Variants in DLG2 observed in about 807,000 individuals in gnomAD.
DLG2 encodes the protein discs large MAGUK scaffold protein 2, also known as disks large homolog 2.
Under a neutral mutation model 132.5 loss-of-function variants are expected in DLG2, and 45 were observed. The observed-to-expected ratio is 0.34, with a 90% CI of 0.27 to 0.44. DLG2 has a LOEUF of 0.44. Ranked by LOEUF, DLG2 falls within the 20% of genes least tolerant of loss-of-function variation. DLG2 has a pLI of 1.00. For missense variants in DLG2, 1,045 were observed against 1,196.9 expected (o/e 0.87, Z 1.87); for synonymous variants, 424 against 419.6 (o/e 1.01, Z -0.13).
chr11:84,796,737 G>A (rs1285269838), intron 6 of DLG2, among the ~76,000 whole-genome samples: 1 of 151,760 alleles, frequency 6.6e-6, no homozygotes, highest in African/African-American at 2.4e-5. Context: ...CGGCCTATAA[G>A]GTTCCCATTG....
At chr11:84,711,030 A>C (rs2060347673) in intron 6 of DLG2, among the ~76,000 whole-genome samples, 1 of 71,674 alleles carries the variant, frequency 1.4e-5, no homozygotes, top group African/African-American at 6.7e-5. Flanking sequence ...ATATATATAT[A>C]TAGAGCTGAA....
intron 7 of DLG2, among the ~76,000 whole-genome samples, chr11:84,324,528 G>T (rs1044362159): frequency 1.1e-4 from 16 of 151,640 alleles, no homozygotes; most frequent in African/African-American, 3.6e-4. Flanking sequence ...TGGCTATTTG[G>T]GGTCCTTTGT....
chr11:83,469,296 T>C lies in DLG2; in HGVS notation c.2524A>G (p.Lys842Glu). The C allele has an allele frequency of 3.1e-6, 5 of 1,613,896 alleles. No homozygotes were observed. Among genetic ancestry groups the C allele is most frequent in the Non-Finnish European group, 4.2e-6 (5 of 1,179,864 alleles). The change falls in exon 25 of 28, where the codon AAA becomes GAA. Residue 842 changes from lysine (K) to glutamate (E), a missense_variant. Physicochemically the swap from Lys to Glu is moderately conservative, Grantham distance 56 (BLOSUM62 1). Transcript: ENST00000376104. ...ATAAACTTGTGCTCTTGGATATCTT[T>C]CTCCATTTGTTCTCTGGAAATGACA... The part of the protein sequence containing the change: ...HFVISREQME[K>E]DIQEHKFIEA...
At chr11:83,899,281 A>G (rs924361359) in intron 15 of DLG2, among the ~76,000 whole-genome samples, 2 of 150,880 alleles carry the variant, frequency 1.3e-5, no homozygotes, top group African/African-American at 5.0e-5. Flanking sequence ...TCAGTACTGC[A>G]CTTGGATCTC....
intron 6 of DLG2, among the ~76,000 whole-genome samples, chr11:84,608,923 C>G (rs1328548411): frequency 2.0e-5 from 3 of 152,130 alleles, no homozygotes; most frequent in Admixed American, 6.6e-5. Flanking sequence ...TAAGTAAATT[C>G]AAATAGAAAG....
chr11:84,269,714 C>G (rs935087217), intron 7 of DLG2, among the ~76,000 whole-genome samples: 1 of 152,118 alleles, frequency 6.6e-6, no homozygotes, highest in Non-Finnish European at 1.5e-5. Flanking sequence ...AATAGTATTG[C>G]GACTTCTTTT....
At chr11:85,413,470 T>C (rs1025605462) in intron 3 of DLG2, among the ~76,000 whole-genome samples, 9 of 152,074 alleles carry the variant, frequency 5.9e-5, no homozygotes, top group Non-Finnish European at 1.2e-4. Flanking sequence ...GGTCATGAAA[T>C]CCTTGCCTAA....
chr11:85,068,504 A>G (rs988276584), intron 6 of DLG2, among the ~76,000 whole-genome samples: 10 of 152,120 alleles, frequency 6.6e-5, no homozygotes, highest in African/African-American at 2.4e-4. Context: ...TTATACACCA[A>G]TAGCAGACAA....
chr11:84,793,354 G>C (rs2074137366), intron 6 of DLG2, among the ~76,000 whole-genome samples: 1 of 152,152 alleles, frequency 6.6e-6, no homozygotes, highest in African/African-American at 2.4e-5. Flanking sequence ...TCTGTGCGCT[G>C]AGGAAAATAA....
In DLG2 at chr11:84,846,276, A is replaced by T. The variant is rs141804868; in HGVS notation, c.357+265385T>A. Among the ~76,000 whole-genome samples the T allele has an allele frequency of 5.6e-4, 85 of 152,180 alleles. 1 individual carries two copies. The highest frequency in any genetic ancestry group is 1.3e-3 in the Admixed American group (20 of 15,266). ...GTGTCTAACATATCTCTTAAACTTA[A>T]CAAGTCCAAAACAGAACTATAGGTT... On this transcript the variant is annotated intron_variant, in intron 6 of 27. Coordinates refer to ENST00000376104, the MANE Select transcript of DLG2 (RefSeq NM_001142699.3).
At chr11:83,901,627 C>A (rs929746077) in intron 15 of DLG2, among the ~76,000 whole-genome samples, 1 of 152,208 alleles carries the variant, frequency 6.6e-6, no homozygotes, top group Admixed American at 6.5e-5. Context: ...AACTGTAAGT[C>A]CAATAAACCT....
chr11:83,691,061 G>A (rs141978859), intron 18 of DLG2, among the ~76,000 whole-genome samples: 63 of 152,256 alleles, frequency 4.1e-4, no homozygotes, highest in African/African-American at 1.4e-3. Flanking sequence ...GGAGTCTACT[G>A]GACATGTGCA....
At chr11:83,585,277 G>T (rs1367217549) in intron 19 of DLG2, among the ~76,000 whole-genome samples, 1 of 152,154 alleles carries the variant, frequency 6.6e-6, no homozygotes, top group African/African-American at 2.4e-5. Context: ...TCCCCAACAG[G>T]ATGGAGACAT....
intron 6 of DLG2, among the ~76,000 whole-genome samples, chr11:84,561,997 A>C (rs1003640259): frequency 1.3e-5 from 2 of 152,178 alleles, no homozygotes; most frequent in Non-Finnish European, 2.9e-5. Flanking sequence ...ACAAAATTTC[A>C]TGTAATCCAT....
chr11:83,797,543 A>G lies in DLG2; in HGVS notation c.1723-10751T>C, dbSNP rs749313313. 3.8e-4 allele frequency among the ~76,000 whole-genome samples: 57 copies of G among 151,914 alleles called. 1 individual carries two copies. Among genetic ancestry groups the G allele is most frequent in the Middle Eastern group, 6.8e-3 (2 of 294 alleles). ...GTTTTTGTTTTTGTTTTTTGAGACA[A>G]AATCTCTCTCTTTTCTCCCAGACTG... On this transcript the variant is annotated intron_variant, in intron 17 of 27. Coordinates refer to ENST00000376104, the MANE Select transcript of DLG2 (RefSeq NM_001142699.3).
intron 6 of DLG2, among the ~76,000 whole-genome samples, chr11:84,838,838 T>A (rs1041626273): frequency 6.6e-6 from 1 of 152,048 alleles, no homozygotes; most frequent in Non-Finnish European, 1.5e-5. Context: ...TGATGGGACA[T>A]ATATCAAAAT....
At position 85,232,829 on chromosome 11, in the gene DLG2, A is replaced by T. The variant is rs539681276; in HGVS notation, c.186+52391T>A. ...GAATATGCTTAACACATGGAAAGAC[A>T]GGAAGCCCTGTCACAGCTTTGTGGG... On this transcript the variant is annotated intron_variant, in intron 4 of 27. Coordinates refer to ENST00000376104, the MANE Select transcript of DLG2 (RefSeq NM_001142699.3). Among the ~76,000 whole-genome samples, 4 of 152,110 alleles carry T rather than the reference A, an allele frequency of 2.6e-5. No individual in the cohort carries two copies. The East Asian group carries it at 7.7e-4, about 29-fold the overall frequency.
rs776520040 is a variant in DLG2 at position 84,624,857 on chromosome 11, C to CTTTTTTTT, written c.358-90134_358-90127dup. Reference sequence around the variant, plus strand: ...AGTTACCTCTCAGAAGAGAGTCAACCTTTTTTTTTTTTTTTTTTGAGACGG... The same window carrying CTTTTTTTT: ...AGTTACCTCTCAGAAGAGAGTCAACCTTTTTTTTTTTTTTTTTTTTTTTTTTGAGACGG... On this transcript the variant is annotated intron_variant, in intron 6 of 27. Transcript: ENST00000376104. 5.0e-4 allele frequency among the ~76,000 whole-genome samples: 38 copies of CTTTTTTTT among 76,174 alleles called. 5 individuals are homozygous for CTTTTTTTT. Among genetic ancestry groups the CTTTTTTTT allele is most frequent in the African/African-American group, 9.4e-4 (8 of 8,542 alleles). The allele number at this position is 76,174 out of a possible 152,430, so 50.0% of individuals were successfully genotyped here.
intron 3 of DLG2, among the ~76,000 whole-genome samples, chr11:85,410,031 T>C (rs1350773442): frequency 1.3e-5 from 2 of 151,894 alleles, no homozygotes; most frequent in Admixed American, 6.6e-5. Flanking sequence ...TAGTACGGAA[T>C]GGCATAGCAT....
Sources: gnomAD v4.1 joint callset for allele counts (sites outside exome capture counted in the v4.1 genomes callset) on GRCh38, gnomAD v4.1.1 for gene constraint, MANE v1.5 for transcripts, NCBI Gene and HGNC (gene_info 2026-07-23, HGNC 2026-07-21) for gene names.